Variants in CNTN5 observed in about 807,000 individuals in gnomAD.
CNTN5 encodes contactin 5.
A neutral mutation model predicts 129.1 loss-of-function variants in CNTN5; 77 were observed. The observed-to-expected ratio is 0.60, with a 90% confidence interval of 0.50 to 0.72. The LOEUF is 0.72. Among genes scored for constraint, CNTN5 ranks in the 30% least tolerant of loss-of-function variants. The probability of loss-of-function intolerance (pLI) is 0.00; values close to 1 mark genes in which losing one functional copy is unlikely to be tolerated. For synonymous variants in CNTN5, 509 were observed against 465.6 expected, an observed-to-expected ratio of 1.09 and a Z score of -1.20; for missense variants, 1,478 against 1,328.8, an observed-to-expected ratio of 1.11 and a Z score of -1.75.
chr11:99,579,899 G>A (rs1469253423), intron 3 of CNTN5, among the ~76,000 whole-genome samples: 3 of 150,140 alleles, frequency 2.0e-5, no homozygotes, highest in Non-Finnish European at 3.0e-5. Flanking sequence ...GGGCATCCCT[G>A]TCTTGTGCCA....
intron 3 of CNTN5, among the ~76,000 whole-genome samples, chr11:99,810,156 AG>A (rs1341616279): frequency 6.6e-6 from 1 of 152,134 alleles, no homozygotes; most frequent in Non-Finnish European, 1.5e-5. Flanking sequence ...TGGCAATAAA[AG>A]TCTATAATAC....
At chr11:99,923,957 A>C (rs1950000874) in intron 7 of CNTN5, among the ~76,000 whole-genome samples, 1 of 152,030 alleles carries the variant, frequency 6.6e-6, no homozygotes, top group South Asian at 2.1e-4. Flanking sequence ...ACACCCAGCT[A>C]ATTTTTTGTG....
chr11:99,348,212 G>A lies in CNTN5; in HGVS notation c.-71+22728G>A, dbSNP rs529582196. ...AAATTAGCCAGGCGTGGTGGCAGGC[G>A]CCTGTAGTTCCAGCTACTTGGGAGG... is the stretch of plus-strand genomic sequence containing the variant. On this transcript the variant is annotated intron_variant, in intron 2 of 24. Transcript: ENST00000524871. 2.8e-4 allele frequency among the ~76,000 whole-genome samples: 43 copies of A among 152,190 alleles called. 1 individual carries two copies. In the South Asian group the frequency reaches 7.1e-3, roughly 25 times the overall value.
intron 3 of CNTN5, among the ~76,000 whole-genome samples, chr11:99,816,423 C>G (rs1197720180): frequency 6.6e-6 from 1 of 152,154 alleles, no homozygotes; most frequent in African/African-American, 2.4e-5. Flanking sequence ...GTCCTGGAGG[C>G]ACCATAGGCT....
rs532442232 is a variant in CNTN5, at chr11:99,090,175, A to T, written c.-210+68905A>T. ...TTCATTCATATGTCACTAATTCTGA[A>T]TATTATGTAAAAAGAGACAACGGGG... On this transcript the variant is annotated intron_variant, in intron 1 of 24. Coordinates refer to ENST00000524871, the MANE Select transcript of CNTN5 (RefSeq NM_014361.4). Among the ~76,000 whole-genome samples, 22 of 152,334 alleles carry T rather than the reference A, an allele frequency of 1.4e-4. No individual in the cohort carries two copies. In the East Asian group the frequency reaches 4.1e-3, roughly 28 times the overall value.
At chr11:100,063,706 T>TAAAAAAAAAAAAAAAAAAAA (rs35896237) in intron 10 of CNTN5, among the ~76,000 whole-genome samples, 9 of 115,284 alleles carry the variant, frequency 7.8e-5, no homozygotes, top group East Asian at 5.1e-4. Context: ...AACCTGTCTC[T>TAAAAAAAAAAAAAAAAAAAA]AAAAAAAAAA....
chr11:100,065,148 A>G (rs1943649165), intron 10 of CNTN5, among the ~76,000 whole-genome samples: 1 of 152,120 alleles, frequency 6.6e-6, no homozygotes, highest in African/African-American at 2.4e-5. Context: ...TATCCAGTAA[A>G]GGAATACAGT....
chr11:100,179,480 G>A (rs1948072116), intron 13 of CNTN5, among the ~76,000 whole-genome samples: 1 of 151,920 alleles, frequency 6.6e-6, no homozygotes, highest in African/African-American at 2.4e-5. Context: ...AAAACCATTA[G>A]GTTGAACCAA....
At chr11:99,125,184 T>C (rs1357229522) in intron 1 of CNTN5, among the ~76,000 whole-genome samples, 3 of 152,078 alleles carry the variant, frequency 2.0e-5, no homozygotes, top group Non-Finnish European at 4.4e-5. Context: ...AAGACCAGTA[T>C]TCTTGATGAA....
At chr11:99,547,667 T>C (rs945560154) in intron 2 of CNTN5, among the ~76,000 whole-genome samples, 2 of 152,230 alleles carry the variant, frequency 1.3e-5, no homozygotes, top group Non-Finnish European at 2.9e-5. Flanking sequence ...TTCTGAGTAA[T>C]ACAAGTTGAA....
At chr11:99,257,651 T>C (rs1862436103) in intron 1 of CNTN5, among the ~76,000 whole-genome samples, 1 of 152,084 alleles carries the variant, frequency 6.6e-6, no homozygotes, top group African/African-American at 2.4e-5. Flanking sequence ...GGAAAGTAGT[T>C]GAATAAATAT....
chr11:99,698,103 C>T (rs1037911152), intron 3 of CNTN5, among the ~76,000 whole-genome samples: 5 of 149,850 alleles, frequency 3.3e-5, no homozygotes, highest in Admixed American at 2.0e-4. Context: ...TTTTTTACTA[C>T]GTATTTCCTA....
At chr11:99,741,273 A>G (rs1943880707) in intron 3 of CNTN5, among the ~76,000 whole-genome samples, 1 of 152,188 alleles carries the variant, frequency 6.6e-6, no homozygotes, top group Non-Finnish European at 1.5e-5. Flanking sequence ...GGAATTTAAC[A>G]TTGAATGGTA....
chr11:99,558,609 GGT>G (rs535413711), intron 3 of CNTN5, among the ~76,000 whole-genome samples: 1 of 151,938 alleles, frequency 6.6e-6, no homozygotes, highest in South Asian at 2.1e-4. Flanking sequence ...ATTATACAGT[GGT>G]TGTGGAAACA....
rs146634590 is a variant in CNTN5 at position 99,632,598 on chromosome 11, T to C, written c.55+76329T>C. Among the ~76,000 whole-genome samples the C allele has an allele frequency of 2.0e-5, 3 of 152,288 alleles. No homozygotes were observed. The East Asian group carries it at 5.8e-4, about 29-fold the overall frequency. ...ACTGCAGGCTTGTGGCCTGAACTCA[T>C]GGCTTTCAACTTCACAAAATTGAAA... On this transcript the variant is annotated intron_variant, in intron 3 of 24. Coordinates refer to ENST00000524871, the MANE Select transcript of CNTN5 (RefSeq NM_014361.4).
intron 2 of CNTN5, among the ~76,000 whole-genome samples, chr11:99,491,501 C>T (rs1184082184): frequency 6.6e-6 from 1 of 152,126 alleles, no homozygotes; most frequent in Non-Finnish European, 1.5e-5. Context: ...GAGTAGGAGA[C>T]ACACAAATTT....
rs543114568 is a variant in CNTN5, at chr11:99,251,231, C to G, written c.-209-74115C>G. ...TATTTTGCTGTCTCATCTTCCTCCC[C>G]ATCTGAATGATATAAATGTTTATAA... On this transcript the variant is annotated intron_variant, in intron 1 of 24. Transcript: ENST00000524871. 8.0e-4 allele frequency among the ~76,000 whole-genome samples: 122 copies of G among 151,844 alleles called. 1 individual carries two copies. Among genetic ancestry groups the G allele is most frequent in the Admixed American group, 7.9e-3 (120 of 15,220 alleles).
chr11:100,318,595 A>C (rs1413866250), intron 21 of CNTN5, among the ~76,000 whole-genome samples: 1 of 152,104 alleles, frequency 6.6e-6, no homozygotes, highest in Non-Finnish European at 1.5e-5. Context: ...TATTTTACAA[A>C]TATTTGAACA....
At chr11:100,189,277 A>C (rs117148122) in intron 13 of CNTN5, among the ~76,000 whole-genome samples, 8 of 151,888 alleles carry the variant, frequency 5.3e-5, no homozygotes, top group Admixed American at 2.0e-4. Context: ...AAAAAAAAAA[A>C]AAAAAACCTT....
Sources: gnomAD v4.1 joint callset for allele counts (sites outside exome capture counted in the v4.1 genomes callset) on GRCh38, gnomAD v4.1.1 for gene constraint, MANE v1.5 for transcripts, NCBI Gene and HGNC (gene_info 2026-07-23, HGNC 2026-07-21) for gene names.